The following SCAPER variants were observed in gnomAD, a reference collection of about 807,000 sequenced individuals.
The protein encoded by SCAPER is S phase cyclin A-associated protein in the endoplasmic reticulum.
Under a neutral mutation model 182.2 loss-of-function variants are expected in SCAPER, and 98 were observed. That is an observed-to-expected ratio of 0.54 (90% CI 0.46 to 0.64). The LOEUF is 0.64. Among genes scored for constraint, SCAPER ranks in the 30% least tolerant of loss-of-function variants. SCAPER has a pLI of 0.00. For synonymous variants in SCAPER, 605 were observed against 564.6 expected (o/e 1.07, Z -1.01); for missense variants, 1,432 against 1,690.0 (o/e 0.85, Z 2.68).
intron 24 of SCAPER, among the ~76,000 whole-genome samples, chr15:76,476,161 C>A (rs1567219091): frequency 6.6e-6 from 1 of 152,166 alleles, no homozygotes; most frequent in Non-Finnish European, 1.5e-5. Flanking sequence ...TTCTGGGGTC[C>A]ATTTTCCAGC....
At chr15:76,620,260 T>C (rs573643646) in intron 22 of SCAPER, among the ~76,000 whole-genome samples, 1 of 152,302 alleles carries the variant, frequency 6.6e-6, no homozygotes, top group South Asian at 2.1e-4. Flanking sequence ...CTAATTAACC[T>C]CATAGAATTA....
At chr15:76,799,036 T>C (rs1194044274) in intron 7 of SCAPER, among the ~76,000 whole-genome samples, 1 of 152,188 alleles carries the variant, frequency 6.6e-6, no homozygotes, top group Non-Finnish European at 1.5e-5. Flanking sequence ...TCTTTTCTTC[T>C]CCTGATTAAA....
At chr15:76,420,881 T>C (rs1461839133) in intron 26 of SCAPER, among the ~76,000 whole-genome samples, 1 of 152,208 alleles carries the variant, frequency 6.6e-6, no homozygotes, top group Non-Finnish European at 1.5e-5. Context: ...TTTGGTTTTT[T>C]GTCTTTGCAA....
chr15:76,484,302 C>T (rs778731281), intron 24 of SCAPER, among the ~76,000 whole-genome samples: 4 of 151,980 alleles, frequency 2.6e-5, no homozygotes, highest in African/African-American at 9.7e-5. Flanking sequence ...ACTATACAAA[C>T]AGTAAAAAGA....
intron 15 of SCAPER, among the ~76,000 whole-genome samples, chr15:76,741,287 A>C (rs58908956): frequency 0.084 from 12,814 of 152,148 alleles, 623 homozygotes; most frequent in African/African-American, 0.12. Context: ...GGTGGGATTG[A>C]GTTTCCTTTG....
intron 24 of SCAPER, among the ~76,000 whole-genome samples, chr15:76,499,177 A>T (rs1240647200): frequency 1.3e-5 from 2 of 152,214 alleles, no homozygotes; most frequent in African/African-American, 4.8e-5. Context: ...ATGGAAGTTT[A>T]AAGATAGACT....
chr15:76,515,879 A>G (rs1035151705), intron 23 of SCAPER, among the ~76,000 whole-genome samples: 1 of 152,212 alleles, frequency 6.6e-6, no homozygotes, highest in African/African-American at 2.4e-5. Flanking sequence ...TTCCCTTAAG[A>G]GGAGAGACAG....
chr15:76,669,167 AGTTGTG>A (rs2056833358), intron 20 of SCAPER, among the ~76,000 whole-genome samples: 2 of 152,078 alleles, frequency 1.3e-5, no homozygotes, highest in African/African-American at 4.8e-5. Context: ...TGAGCTACAG[AGTTGTG>A]CTCACTTTCC....
At chr15:76,605,777 T>C (rs1382099713) in intron 22 of SCAPER, among the ~76,000 whole-genome samples, 1 of 152,250 alleles carries the variant, frequency 6.6e-6, no homozygotes, top group Admixed American at 6.5e-5. Flanking sequence ...GATGAATTTA[T>C]CCATTTCTTC....
At chr15:76,661,600 T>C (rs980052699) in intron 21 of SCAPER, among the ~76,000 whole-genome samples, 34 of 152,310 alleles carry the variant, frequency 2.2e-4, no homozygotes, top group African/African-American at 7.5e-4. Context: ...TCAGTGATCA[T>C]TAGAGAAATG....
At chr15:76,525,763 TG>T (rs2043152611) in intron 23 of SCAPER, among the ~76,000 whole-genome samples, 1 of 152,234 alleles carries the variant, frequency 6.6e-6, no homozygotes, top group African/African-American at 2.4e-5. Flanking sequence ...CCACCATGGA[TG>T]GGCACCTGGG....
Position 76,775,172 on chromosome 15 carries a change from T to C in SCAPER, c.773-55A>G. 14 of 1,465,820 alleles carry C rather than the reference T, an allele frequency of 9.6e-6. 1 individual carries two copies. The South Asian group carries it at 1.4e-4, about 15-fold the overall frequency. The allele number at this position is 1,465,820 out of a possible 1,614,324, so 90.8% of individuals were successfully genotyped here. A position where few individuals can be genotyped will look rare whatever the true frequency, so the allele number is the denominator to read the frequency against. ...GATTTATTTAGATGATAAAAATATT[T>C]GGAAACTCATAGAATAAAAACATTT... On this transcript the variant is annotated intron_variant, in intron 8 of 31. Coordinates refer to ENST00000563290, the MANE Select transcript of SCAPER (RefSeq NM_020843.4).
At chr15:76,555,159 A>C (rs1054076316) in intron 23 of SCAPER, among the ~76,000 whole-genome samples, 2 of 152,174 alleles carry the variant, frequency 1.3e-5, no homozygotes, top group Non-Finnish European at 2.9e-5. Flanking sequence ...GCCAAAGAGA[A>C]ATAACATCCT....
At chr15:76,750,627 C>G (rs1351377471) in intron 15 of SCAPER, among the ~76,000 whole-genome samples, 1 of 151,770 alleles carries the variant, frequency 6.6e-6, no homozygotes, top group Non-Finnish European at 1.5e-5. Context: ...GCCAATGTAA[C>G]ATTACACATT....
chr15:76,378,059 C>G (rs1160980905), intron 28 of SCAPER, among the ~76,000 whole-genome samples: 2 of 152,162 alleles, frequency 1.3e-5, no homozygotes, highest in African/African-American at 4.8e-5. Flanking sequence ...CTTAAGTGTT[C>G]AAATGACTTG....
chr15:76,640,490 G>C (rs909132273), intron 21 of SCAPER, among the ~76,000 whole-genome samples: 1 of 152,180 alleles, frequency 6.6e-6, no homozygotes, highest in African/African-American at 2.4e-5. Context: ...CTGCTTACCT[G>C]GTGCTGAAGT....
At chr15:76,817,090 G>C (rs964494507) in intron 5 of SCAPER, among the ~76,000 whole-genome samples, 4 of 152,162 alleles carry the variant, frequency 2.6e-5, no homozygotes, top group African/African-American at 9.7e-5. Flanking sequence ...AATATATTGT[G>C]CTACAACATT....
rs193048790 is a variant in SCAPER at position 76,721,903 on chromosome 15, T to C, written c.2165+6692A>G. On this transcript the variant is annotated intron_variant, in intron 17 of 31. Transcript: ENST00000563290. Reference sequence around the variant, plus strand: ...ACAATTTGACTTCCCCTTTTCCTAATTGAATGCCCTTTATTTCCTTCTCCT... The same window carrying C: ...ACAATTTGACTTCCCCTTTTCCTAACTGAATGCCCTTTATTTCCTTCTCCT... Among the ~76,000 whole-genome samples, 304 of 152,318 alleles carry C rather than the reference T, an allele frequency of 2.0e-3. 1 individual carries two copies. The highest frequency in any genetic ancestry group is 6.7e-3 in the African/African-American group (278 of 41,558).
chr15:76,792,896 TG>T, intron 8 of SCAPER, among the ~76,000 whole-genome samples: 1 of 152,382 alleles, frequency 6.6e-6, no homozygotes, highest in East Asian at 1.9e-4. Flanking sequence ...AGCTAAGTTT[TG>T]GGCTTGCTAC....
Sources: gnomAD v4.1 joint callset for allele counts (sites outside exome capture counted in the v4.1 genomes callset) on GRCh38, gnomAD v4.1.1 for gene constraint, MANE v1.5 for transcripts, NCBI Gene and HGNC (gene_info 2026-07-23, HGNC 2026-07-21) for gene names.